The following UNC5D variants were observed in gnomAD, a reference collection of about 807,000 sequenced individuals.
The protein encoded by UNC5D is netrin receptor UNC5D.
UNC5D carries 39 observed loss-of-function variants against 105.4 expected under a neutral mutation model. That is an observed-to-expected ratio of 0.37 (90% CI 0.29 to 0.48). The LOEUF is 0.48. Ranked by LOEUF, UNC5D falls within the 20% of genes least tolerant of loss-of-function variation. The pLI is 0.98. For synonymous variants in UNC5D, 452 were observed against 450.4 expected (o/e 1.00, Z -0.04); for missense variants, 991 against 1,202.4 (o/e 0.82, Z 2.60).
intron 7 of UNC5D, among the ~76,000 whole-genome samples, chr8:35,688,510 T>C (rs1172862188): frequency 6.6e-6 from 1 of 152,202 alleles, no homozygotes; most frequent in Non-Finnish European, 1.5e-5. Context: ...TATTTGCTAG[T>C]ACAAGCACTG....
intron 1 of UNC5D, among the ~76,000 whole-genome samples, chr8:35,302,312 T>C (rs1398269055): frequency 2.6e-5 from 4 of 152,204 alleles, no homozygotes; most frequent in Non-Finnish European, 4.4e-5. Flanking sequence ...CTATTTCCTT[T>C]TGTTAGGATT....
At chr8:35,635,392 T>C (rs1224554604) in intron 4 of UNC5D, among the ~76,000 whole-genome samples, 2 of 152,200 alleles carry the variant, frequency 1.3e-5, no homozygotes, top group Admixed American at 1.3e-4. Flanking sequence ...TCTTAACCCG[T>C]TAAGTGTTTG....
intron 1 of UNC5D, among the ~76,000 whole-genome samples, chr8:35,482,793 CTTTTT>C (rs5890816): frequency 1.0e-4 from 8 of 78,134 alleles, no homozygotes; most frequent in Admixed American, 3.6e-4. Context: ...TTAAAGAGAT[CTTTTT>C]TTTTTTTTTT....
intron 1 of UNC5D, chr8:35,544,354 G>A: frequency 3.2e-6 from 5 of 1,572,646 alleles, no homozygotes; most frequent in Middle Eastern, 1.7e-4. Flanking sequence ...AGTGAGGAAC[G>A]TTTTCTGCCA....
intron 1 of UNC5D, among the ~76,000 whole-genome samples, chr8:35,305,794 TTCTC>T (rs1450709023): frequency 6.7e-6 from 1 of 150,222 alleles, no homozygotes. Flanking sequence ...CTTTCTTTCT[TTCTC>T]TCTTTTCTTT....
At chr8:35,416,372 C>T (rs895539798) in intron 1 of UNC5D, among the ~76,000 whole-genome samples, 1 of 151,972 alleles carries the variant, frequency 6.6e-6, no homozygotes, top group Non-Finnish European at 1.5e-5. Flanking sequence ...GAAAAGTTCA[C>T]GTTGTAATGC....
At chr8:35,610,019 G>A (rs1476248446) in intron 4 of UNC5D, among the ~76,000 whole-genome samples, 2 of 152,008 alleles carry the variant, frequency 1.3e-5, no homozygotes, top group Admixed American at 6.5e-5. Context: ...CCAGAAAAGT[G>A]TTATGAATAA....
chr8:35,539,873 G>C lies in UNC5D; in HGVS notation c.104-9419G>C, dbSNP rs374447106. 1.4e-3 allele frequency among the ~76,000 whole-genome samples: 218 copies of C among 152,098 alleles called. 1 individual carries two copies. Among genetic ancestry groups the C allele is most frequent in the African/African-American group, 4.8e-3 (199 of 41,484 alleles). The stretch of plus-strand genomic sequence containing the variant: ...AGTTTCGTTTTCCCTCTTTTGTTTC[G>C]TCTTTTTGTCATAAAAAGATTGAAA... On this transcript the variant is annotated intron_variant, in intron 1 of 16. Coordinates refer to ENST00000404895, the MANE Select transcript of UNC5D (RefSeq NM_080872.4).
intron 1 of UNC5D, among the ~76,000 whole-genome samples, chr8:35,252,052 C>T (rs1381763677): frequency 8.2e-6 from 1 of 122,212 alleles, no homozygotes; most frequent in Non-Finnish European, 1.6e-5. Context: ...GAGATGGAGT[C>T]TCACTGTTGC....
chr8:35,439,185 G>C (rs1292271580), intron 1 of UNC5D, among the ~76,000 whole-genome samples: 2 of 152,006 alleles, frequency 1.3e-5, no homozygotes, highest in African/African-American at 4.8e-5. Context: ...TTCCCGGTAG[G>C]CTGTCCATAA....
intron 1 of UNC5D, among the ~76,000 whole-genome samples, chr8:35,456,222 C>A (rs191246849): frequency 6.6e-6 from 1 of 152,066 alleles, no homozygotes; most frequent in Non-Finnish European, 1.5e-5. Flanking sequence ...ATTTCCAATC[C>A]GGATTACTAA....
chr8:35,337,510 C>A (rs1811133645), intron 1 of UNC5D, among the ~76,000 whole-genome samples: 1 of 152,172 alleles, frequency 6.6e-6, no homozygotes, highest in African/African-American at 2.4e-5. Flanking sequence ...CATATGTTGA[C>A]TTCAGCTTGC....
At chr8:35,774,610 C>G in intron 16 of UNC5D, 133 bp downstream of exon 16, 1 of 1,206,802 alleles carries the variant, frequency 8.3e-7, no homozygotes, top group Non-Finnish European at 1.1e-6. Flanking sequence ...CCTGTGTGTT[C>G]CCACTAAGTA....
At position 35,683,716 on chromosome 8, in the gene UNC5D, T is replaced by C; in HGVS notation, c.740T>C (p.Val247Ala). The C allele has an allele frequency of 1.3e-6, 2 of 1,547,104 alleles. No homozygotes were observed. The highest frequency in any genetic ancestry group is 2.4e-5 in the East Asian group (1 of 42,192). The change falls in exon 5 of 17, where the codon GTT becomes GCT. Residue 247 changes from valine to alanine, a missense_variant. Around this residue, in one of 3 missense-constraint regions of UNC5D, gnomAD observed 944 missense variants for 1,131.6 expected, o/e 0.83. Transcript: ENST00000404895. ...VAKRRSLSAT[V>A]VVYVNGGWSS... is the part of the protein sequence containing the mutation. ...AAGAGGAGAAGCCTGTCGGCCACTG[T>C]TGTGGTCTACGGTAAGACCATTCCA...
At chr8:35,382,905 C>T (rs778046728) in intron 1 of UNC5D, among the ~76,000 whole-genome samples, 11 of 152,132 alleles carry the variant, frequency 7.2e-5, no homozygotes, top group East Asian at 1.9e-4. Context: ...ATTTTCTTAA[C>T]GCTGTCGTCG....
At chr8:35,586,023 C>T (rs1004210738) in intron 3 of UNC5D, among the ~76,000 whole-genome samples, 4 of 151,836 alleles carry the variant, frequency 2.6e-5, no homozygotes, top group Admixed American at 6.6e-5. Context: ...CTGTAATCCC[C>T]GCACTTTGGG....
chr8:35,551,504 G>A (rs1223643448), intron 2 of UNC5D, among the ~76,000 whole-genome samples: 1 of 152,076 alleles, frequency 6.6e-6, no homozygotes, highest in Admixed American at 6.6e-5. Flanking sequence ...ACAGGGATAG[G>A]AGTATCAGCC....
chr8:35,590,051 T>A (rs901594892), intron 3 of UNC5D, among the ~76,000 whole-genome samples: 1 of 152,164 alleles, frequency 6.6e-6, no homozygotes, highest in Non-Finnish European at 1.5e-5. Flanking sequence ...AATTTGACAT[T>A]TCTTGAATAA....
At chr8:35,553,690 A>C (rs1816329166) in intron 2 of UNC5D, among the ~76,000 whole-genome samples, 1 of 152,200 alleles carries the variant, frequency 6.6e-6, no homozygotes. Context: ...GAACAAGATG[A>C]GTGGAGATAT....
Sources: gnomAD v4.1 joint callset for allele counts (sites outside exome capture counted in the v4.1 genomes callset) on GRCh38, gnomAD v4.1.1 for gene constraint, gnomAD v4.1.1 regional missense constraint, MANE v1.5 for transcripts, NCBI Gene and HGNC (gene_info 2026-07-23, HGNC 2026-07-21) for gene names.